The following PCDHGB2 variants were observed in gnomAD, a reference collection of about 807,000 sequenced individuals.
The protein encoded by PCDHGB2 is protocadherin gamma-B2.
In PCDHGB2, 55 loss-of-function variants were observed where a neutral mutation model predicts 59.3. The ratio of observed to expected loss-of-function variants is 0.93; its 90% CI spans 0.75 to 1.16. The LOEUF (loss-of-function observed/expected upper bound fraction) is 1.16. Among genes scored for constraint, PCDHGB2 ranks in the 50% most tolerant of loss-of-function variants. The probability of loss-of-function intolerance (pLI) is 0.00; values close to 1 mark genes in which losing one functional copy is unlikely to be tolerated. For synonymous variants in PCDHGB2, 516 were observed against 512.0 expected (o/e 1.01, Z -0.11); for missense variants, 1,228 against 1,198.5 (o/e 1.02, Z -0.36).
Position 141,447,955 on chromosome 5 carries a change from G to A in PCDHGB2, c.2422-46852G>A, listed in dbSNP as rs536740280. On this transcript the variant is annotated intron_variant, in intron 1 of 3. Coordinates refer to ENST00000522605, the MANE Select transcript of PCDHGB2 (RefSeq NM_018923.3). ...ACAAAAATTAGCTGGGCATGGTGGC[G>A]GACACCTATAATCCCAGCTACTCGG... Among the ~76,000 whole-genome samples the A allele has an allele frequency of 1.6e-4, 24 of 151,898 alleles. 1 individual carries two copies. The highest frequency in any genetic ancestry group is 8.3e-4 in the South Asian group (4 of 4,816).
chr5:141,382,838 A>G, intron 1 of PCDHGB2: 2 of 1,445,878 alleles, frequency 1.4e-6, no homozygotes, highest in Non-Finnish European at 1.9e-6. Context: ...GTCCACCCGG[A>G]TACACCCGCA....
In PCDHGB2 at chr5:141,489,091, T is replaced by TCAG. The variant is rs2099682519; in HGVS notation, c.2422-5716_2422-5715insCAG. On this transcript the variant is annotated intron_variant, in intron 1 of 3. Transcript: ENST00000522605. This position sits in a 1 kb window ranked among gnomAD's most constrained non-coding sequence, Gnocchi z 4.5. ...CTGCCCACCCCCGCCACTCGGTGACTAAGAACTGCTGCAAGCAGGCAAACC... is the reference window on the plus strand; with the variant it reads ...CTGCCCACCCCCGCCACTCGGTGACTCAGAAGAACTGCTGCAAGCAGGCAAACC... The TCAG allele has an allele frequency of 3.0e-6, 1 of 333,056 alleles. No individual in the cohort carries two copies. Among genetic ancestry groups the TCAG allele is most frequent in the Non-Finnish European group, 5.5e-6 (1 of 181,380 alleles). 20.6% of individuals were successfully genotyped at this position (333,056 alleles called of 1,614,324 possible). A position where few individuals can be genotyped will look rare whatever the true frequency, so the allele number is the denominator to read the frequency against.
rs145286084 is a variant in PCDHGB2, at chr5:141,369,646, G to A, written c.2421+7090G>A. Among the ~76,000 whole-genome samples, 4 of 152,222 alleles carry A rather than the reference G, an allele frequency of 2.6e-5. No homozygotes were observed. The East Asian group carries it at 7.7e-4, about 29-fold the overall frequency. On this transcript the variant is annotated intron_variant, in intron 1 of 3. Coordinates refer to ENST00000522605, the MANE Select transcript of PCDHGB2 (RefSeq NM_018923.3). ...CATTACCTTTAACTTCTTTTGGGGG[G>A]AGATAATAAAGATAAAAGAGAAGAA...
intron 1 of PCDHGB2, chr5:141,428,256 T>A: frequency 1.2e-6 from 1 of 863,822 alleles, no homozygotes; most frequent in Non-Finnish European, 1.9e-6. Flanking sequence ...CAGACTTCAG[T>A]GACAGTCCTG....
chr5:141,505,155 C>T (rs2099844224), intron 2 of PCDHGB2, among the ~76,000 whole-genome samples: 1 of 152,162 alleles, frequency 6.6e-6, no homozygotes, highest in Non-Finnish European at 1.5e-5. Context: ...GAGTAAGACC[C>T]TGTCTAAAAC....
At chr5:141,467,055 CTT>C (rs1193465269) in intron 1 of PCDHGB2, among the ~76,000 whole-genome samples, 47 of 134,388 alleles carry the variant, frequency 3.5e-4, no homozygotes, top group Admixed American at 6.0e-4. Context: ...TCAATGTTTT[CTT>C]TTTTTTTTTT....
At chr5:141,415,502 A>C (rs1162629839) in intron 1 of PCDHGB2, 6 of 1,614,086 alleles carry the variant, frequency 3.7e-6, no homozygotes, top group Admixed American at 1.7e-5. Flanking sequence ...ATCTTCCCCC[A>C]GCCCAATTAT....
chr5:141,439,333 G>A (rs964224344), intron 1 of PCDHGB2, among the ~76,000 whole-genome samples: 1 of 152,154 alleles, frequency 6.6e-6, no homozygotes, highest in Non-Finnish European at 1.5e-5. Flanking sequence ...TGGAAAGAAA[G>A]ATTCTAAGCC....
At chr5:141,435,008 A>G (rs961813777) in intron 1 of PCDHGB2, among the ~76,000 whole-genome samples, 3 of 152,130 alleles carry the variant, frequency 2.0e-5, no homozygotes, top group African/African-American at 7.2e-5. Context: ...GAATTTATCA[A>G]TGATAATGCT....
chr5:141,398,738 A>G, intron 1 of PCDHGB2: 1 of 1,613,880 alleles, frequency 6.2e-7, no homozygotes, highest in Admixed American at 1.7e-5. Flanking sequence ...GACCGGGAAC[A>G]ACAGAGTTAC....
At chr5:141,366,618 C>G (rs781279706) in intron 1 of PCDHGB2, 26 of 1,614,114 alleles carry the variant, frequency 1.6e-5, no homozygotes, top group Middle Eastern at 3.3e-4. Flanking sequence ...ACCGCGGACT[C>G]GAGGAAGAGT....
chr5:141,371,997 C>T (rs772765707), intron 1 of PCDHGB2: 3 of 1,613,232 alleles, frequency 1.9e-6, no homozygotes, highest in East Asian at 2.2e-5. Context: ...TCTGCAGGCC[C>T]GCGACCAGGG....
chr5:141,472,623 TAA>T (rs2099291037), intron 1 of PCDHGB2, among the ~76,000 whole-genome samples: 1 of 152,018 alleles, frequency 6.6e-6, no homozygotes, highest in Non-Finnish European at 1.5e-5. Context: ...AGAAAAAAGA[TAA>T]AGACTGGGAA....
intron 2 of PCDHGB2, among the ~76,000 whole-genome samples, chr5:141,496,116 C>G (rs1435887981): frequency 6.6e-6 from 1 of 152,178 alleles, no homozygotes; most frequent in Middle Eastern, 3.4e-3. Flanking sequence ...TCTCTTCCTT[C>G]CCTGCCCCTC....
intron 1 of PCDHGB2, chr5:141,414,885 C>T: frequency 6.2e-7 from 1 of 1,614,224 alleles, no homozygotes; most frequent in South Asian, 1.1e-5. Context: ...TGTACCCCGC[C>T]CTCCCCACAG....
rs374140638 is a variant in PCDHGB2 at position 141,487,759 on chromosome 5, C to T, written c.2422-7048C>T. ...TTGTAAGAGGTAACTATGTGGTAGA[C>T]GCTGTGCTTTGTAACTGTTTCGTGA... On this transcript the variant is annotated intron_variant, in intron 1 of 3. Transcript: ENST00000522605. The surrounding 1 kb of genome is among the most constrained non-coding windows in gnomAD (Gnocchi z 5.0). 45 of 1,546,278 alleles carry T rather than the reference C, an allele frequency of 2.9e-5. No individual in the cohort carries two copies. The highest frequency in any genetic ancestry group is 1.1e-4 in the African/African-American group (8 of 73,160).
intron 1 of PCDHGB2, among the ~76,000 whole-genome samples, chr5:141,470,212 C>A (rs756256854): frequency 2.0e-5 from 3 of 152,116 alleles, no homozygotes; most frequent in Non-Finnish European, 4.4e-5. Context: ...AAGGCTAAAC[C>A]ATTCAGCTTC....
chr5:141,500,937 C>G (rs910002814), intron 2 of PCDHGB2, among the ~76,000 whole-genome samples: 1 of 151,804 alleles, frequency 6.6e-6, no homozygotes, highest in Non-Finnish European at 1.5e-5. Context: ...GGCGCCATCT[C>G]GGCTCACTGC....
rs377061064 is a variant in PCDHGB2, at chr5:141,505,429, C to A, written c.2517C>A (p.Asn839Lys). 1.2e-6 allele frequency: 2 copies of A among 1,614,116 alleles called. No homozygotes were observed. Among genetic ancestry groups the A allele is most frequent in the African/African-American group, 1.3e-5 (1 of 74,938 alleles). Residue 839 changes from asparagine (N) to lysine (K), a missense_variant, in exon 3 of 4, where the codon AAC becomes AAA. Asn to Lys is a moderately conservative substitution (Grantham distance 94, BLOSUM62 0). Coordinates refer to ENST00000522605, the MANE Select transcript of PCDHGB2 (RefSeq NM_018923.3). ...QNGDDTGTWP[N>K]NQFDTEMLQA... ...GCGATGACACCGGCACCTGGCCCAA[C>A]AACCAGTTTGACACAGAGATGCTGC...
Sources: allele counts gnomAD v4.1 joint callset (sites outside exome capture counted in the v4.1 genomes callset), GRCh38; gene constraint gnomAD v4.1.1; non-coding constraint Gnocchi (gnomAD v3.1); transcripts MANE v1.5; gene names NCBI Gene and HGNC (gene_info 2026-07-23, HGNC 2026-07-21).